The following ASTN1 variants were observed in gnomAD, a reference collection of about 807,000 sequenced individuals.
ASTN1 encodes the protein astrotactin-1.
ASTN1 carries 41 observed loss-of-function variants against 140.7 expected under a neutral mutation model. That is an observed-to-expected ratio of 0.29 (90% CI 0.23 to 0.38). The LOEUF (loss-of-function observed/expected upper bound fraction) is 0.38. ASTN1 is among the 10% of genes least tolerant of loss of function. ASTN1 has a pLI of 1.00. For synonymous variants in ASTN1, 640 were observed against 652.2 expected (o/e 0.98, Z 0.29); for missense variants, 1,479 against 1,678.8 (o/e 0.88, Z 2.08).
intron 7 of ASTN1, among the ~76,000 whole-genome samples, chr1:177,019,769 C>T (rs1359074729): frequency 1.3e-5 from 2 of 152,336 alleles, no homozygotes; most frequent in South Asian, 4.1e-4. Context: ...TCTCCAGCTC[C>T]AGTTCTTCCA....
At chr1:177,082,978 T>C (rs990565943) in intron 1 of ASTN1, among the ~76,000 whole-genome samples, 4 of 152,146 alleles carry the variant, frequency 2.6e-5, no homozygotes, top group African/African-American at 7.2e-5. Flanking sequence ...CTGTAGAAAA[T>C]ACACCCAAAT....
intron 5 of ASTN1, among the ~76,000 whole-genome samples, chr1:177,025,137 G>A (rs1035429750): frequency 1.3e-5 from 2 of 152,204 alleles, no homozygotes; most frequent in African/African-American, 4.8e-5. Context: ...ATTCTGCACA[G>A]AGCAACTCCA....
At position 176,864,372 on chromosome 1, in the gene ASTN1, G is replaced by T; in HGVS notation, c.3797C>A (p.Ala1266Glu). The change falls in exon 23 of 23, where the codon GCG becomes GAG. Residue 1266 changes from alanine (A) to glutamate (E), a missense_variant. Physicochemically the swap from Ala to Glu is moderately radical, Grantham distance 107. This residue lies in a region of ASTN1 where 746 missense variants were observed against 800.9 expected (regional missense o/e 0.93). Coordinates refer to ENST00000361833, the MANE Select transcript of ASTN1 (RefSeq NM_004319.3). ...CTTCCTGAGGTCCCGGCTGAGCTCCGCCCAGTCAAGTCCGTAGGGTTTGAT... is the reference window on the plus strand; with the variant it reads ...CTTCCTGAGGTCCCGGCTGAGCTCCTCCCAGTCAAGTCCGTAGGGTTTGAT... ...SEIKPYGLDW[A>E]ELSRDLRKTC... 2 of 1,614,018 alleles carry T rather than the reference G, an allele frequency of 1.2e-6. No individual in the cohort carries two copies. The highest frequency in any genetic ancestry group is 1.7e-6 in the Non-Finnish European group (2 of 1,179,980).
chr1:176,883,030 AAC>A (rs1557932802), intron 19 of ASTN1, 36 bp from the exon 20 acceptor site: 1 of 1,612,570 alleles, frequency 6.2e-7, no homozygotes, highest in Non-Finnish European at 8.5e-7. Context: ...AAGCATGAGA[AAC>A]AATGACGGCC....
Position 177,032,476 on chromosome 1 carries a change from G to C in ASTN1, c.845C>G (p.Ser282Trp). The part of the protein sequence containing the change: ...LDSLQGCNEK[S>W]GMDLTPGSDN... ...CCCACCTGGTGTGAGGTCCATCCCCGACTTTTCATTGCAGCCCTGCAGGGA... is the reference window on the plus strand; with the variant it reads ...CCCACCTGGTGTGAGGTCCATCCCCCACTTTTCATTGCAGCCCTGCAGGGA... Residue 282 changes from serine to tryptophan, a missense_variant, in exon 3 of 23, where the codon TCG becomes TGG. Coordinates refer to ENST00000361833, the MANE Select transcript of ASTN1 (RefSeq NM_004319.3). 1 of 1,613,958 alleles carries C rather than the reference G, an allele frequency of 6.2e-7. No individual in the cohort carries two copies. The highest frequency in any genetic ancestry group is 1.1e-5 in the South Asian group (1 of 91,074).
At chr1:176,859,602 G>A (rs981043251), downstream of ASTN1, among the ~76,000 whole-genome samples, 8 of 152,208 alleles carry the variant, frequency 5.3e-5, no homozygotes, top group African/African-American at 1.7e-4. Context: ...CTAACAGGGC[G>A]GAACCCTGTC....
chr1:176,884,531 T>C, intron 18 of ASTN1, 41 bp from the exon 19 acceptor site: 1 of 1,575,140 alleles, frequency 6.3e-7, no homozygotes, highest in South Asian at 1.1e-5. Flanking sequence ...GGGACACAAC[T>C]GTGACTCACT....
At chr1:176,870,936 T>C (rs1225786732) in intron 21 of ASTN1, among the ~76,000 whole-genome samples, 12 of 152,166 alleles carry the variant, frequency 7.9e-5, no homozygotes, top group Non-Finnish European at 4.4e-5. Context: ...GTTTTATAAA[T>C]GAGAAGATTT....
In ASTN1 at chr1:177,003,175, G is replaced by A. The variant is rs78114205; in HGVS notation, c.1523+11616C>T. 4.2e-4 allele frequency among the ~76,000 whole-genome samples: 64 copies of A among 151,618 alleles called. No homozygotes were observed. In the East Asian group the frequency reaches 0.011, roughly 26 times the overall value. On this transcript the variant is annotated intron_variant, in intron 8 of 22. Transcript: ENST00000361833. ...TACCTTGATGCCAAAGCCAGGAAGG[G>A]ACATAACACACACACACAAAAACTG... is the stretch of plus-strand genomic sequence containing the variant.
chr1:177,045,784 G>A (rs1424877211), intron 2 of ASTN1, among the ~76,000 whole-genome samples: 1 of 152,122 alleles, frequency 6.6e-6, no homozygotes, highest in Non-Finnish European at 1.5e-5. Context: ...TAATCTAACT[G>A]TTCCTGCTCC....
intron 1 of ASTN1, among the ~76,000 whole-genome samples, chr1:177,098,369 T>C (rs1680133866): frequency 6.6e-6 from 1 of 151,866 alleles, no homozygotes; most frequent in Non-Finnish European, 1.5e-5. Context: ...GCAGCGGGAG[T>C]ACCTATATCA....
intron 16 of ASTN1, among the ~76,000 whole-genome samples, chr1:176,908,461 C>T (rs1670091946): frequency 1.3e-5 from 2 of 152,190 alleles, no homozygotes; most frequent in Non-Finnish European, 2.9e-5. Context: ...TCTGAGTAAG[C>T]AGCCAAGGCA....
At chr1:176,874,992 C>T (rs1175618816) in intron 21 of ASTN1, among the ~76,000 whole-genome samples, 1 of 152,132 alleles carries the variant, frequency 6.6e-6, no homozygotes, top group Admixed American at 6.5e-5. Flanking sequence ...TGGGATCCTG[C>T]TCTCATGGAG....
chr1:177,083,077 C>T (rs753497465), intron 1 of ASTN1, among the ~76,000 whole-genome samples: 12 of 152,050 alleles, frequency 7.9e-5, no homozygotes, highest in Non-Finnish European at 1.3e-4. Context: ...CTTAAGCCCT[C>T]GGGTTATGGA....
At chr1:177,074,297 T>C (rs1427887199) in intron 1 of ASTN1, among the ~76,000 whole-genome samples, 1 of 152,208 alleles carries the variant, frequency 6.6e-6, no homozygotes, top group African/African-American at 2.4e-5. Context: ...TTCAGTATCA[T>C]CTATATCATT....
At chr1:176,974,311 G>A (rs1438672344) in intron 8 of ASTN1, among the ~76,000 whole-genome samples, 1 of 152,036 alleles carries the variant, frequency 6.6e-6, no homozygotes. Context: ...ACCTTGGGAT[G>A]CAGTCAATTT....
chr1:177,083,340 C>G (rs1679271460), intron 1 of ASTN1, among the ~76,000 whole-genome samples: 1 of 152,060 alleles, frequency 6.6e-6, no homozygotes, highest in Non-Finnish European at 1.5e-5. Flanking sequence ...CTGGAACCAC[C>G]CAACATCAGG....
intron 8 of ASTN1, among the ~76,000 whole-genome samples, chr1:176,978,660 T>A (rs1444427390): frequency 6.6e-6 from 1 of 152,066 alleles, no homozygotes; most frequent in East Asian, 1.9e-4. Flanking sequence ...GGGCAAGAAA[T>A]GATAAGGTTG....
rs774910485 is a variant in ASTN1, at chr1:177,014,888, G to A, written c.1439-13C>T. The A allele has an allele frequency of 6.2e-7, 1 of 1,602,008 alleles. No individual in the cohort carries two copies. Among genetic ancestry groups the A allele is most frequent in the East Asian group, 2.2e-5 (1 of 44,780 alleles). On this transcript the variant is annotated splice_polypyrimidine_tract_variant and intron_variant, in intron 7 of 22. Coordinates refer to ENST00000361833, the MANE Select transcript of ASTN1 (RefSeq NM_004319.3). The stretch of plus-strand genomic sequence containing the variant: ...CAGAGGCATTCCCCTTAGAAGCAGG[G>A]TAAGGAGGAAGAAAGAGAAACATGA...
Sources: gnomAD v4.1 joint callset for allele counts (sites outside exome capture counted in the v4.1 genomes callset) on GRCh38, gnomAD v4.1.1 for gene constraint, gnomAD v4.1.1 regional missense constraint, MANE v1.5 for transcripts, NCBI Gene and HGNC (gene_info 2026-07-23, HGNC 2026-07-21) for gene names.